PRDX3: variants seen among roughly 807,000 people sequenced by gnomAD.
PRDX3 encodes peroxiredoxin 3, also known as thioredoxin-dependent peroxide reductase, mitochondrial.
In PRDX3, 20 loss-of-function variants were observed where a neutral mutation model predicts 30.4. The ratio of observed to expected loss-of-function variants is 0.66; its 90% confidence interval spans 0.46 to 0.96. PRDX3 has a LOEUF of 0.96. Ranked by LOEUF, PRDX3 falls within the 40% of genes least tolerant of loss-of-function variation. The probability of loss-of-function intolerance (pLI) is 0.00; values close to 1 mark genes in which losing one functional copy is unlikely to be tolerated. For missense variants in PRDX3, 322 were observed against 318.3 expected (o/e 1.01, Z -0.09); for synonymous variants, 124 against 117.8 (o/e 1.05, Z -0.34).
intron 1 of PRDX3, 31 bp from the exon 2 acceptor site, chr10:119,177,184 T>G (rs1487851443): frequency 6.2e-7 from 1 of 1,610,394 alleles, no homozygotes; most frequent in South Asian, 1.1e-5. Context: ...TTAGAAAGTT[T>G]TCCTGGACTG....
At chr10:119,177,273 A>C in intron 1 of PRDX3, 120 bp from the exon 2 acceptor site, 1 of 935,228 alleles carries the variant, frequency 1.1e-6, no homozygotes, top group Non-Finnish European at 1.6e-6. Context: ...AGCAAACCCC[A>C]AACTCTAAGA....
intron 1 of PRDX3, among the ~76,000 whole-genome samples, chr10:119,178,033 A>AC (rs1848080847): frequency 6.9e-6 from 1 of 144,736 alleles, no homozygotes. Flanking sequence ...ATGCCCGGCT[A>AC]TTTTTTTTTT....
intron 1 of PRDX3, among the ~76,000 whole-genome samples, chr10:119,177,407 C>A (rs1040789912): frequency 6.6e-6 from 1 of 152,138 alleles, no homozygotes; most frequent in Non-Finnish European, 1.5e-5. Flanking sequence ...CACCTGTAAT[C>A]CCAGCACTTT....
In PRDX3 at chr10:119,177,001, AGACAT is replaced by A; in HGVS notation, c.169+15_169+19del. 6.2e-7 allele frequency: 1 copy of A among 1,613,870 alleles called. No homozygotes were observed. Among genetic ancestry groups the A allele is most frequent in the South Asian group, 1.1e-5 (1 of 91,066 alleles). On this transcript the variant is annotated intron_variant, in intron 2 of 6. Transcript: ENST00000298510. ...TTTTTCCTTTACCTGGCTCCAGCCA[AGACAT>A]GACATAACACTTACTGGTGCTGAAT...
At chr10:119,171,550 T>C (rs1847907979) in intron 5 of PRDX3, among the ~76,000 whole-genome samples, 1 of 152,182 alleles carries the variant, frequency 6.6e-6, no homozygotes, top group Admixed American at 6.5e-5. Flanking sequence ...TGCTGAGGAC[T>C]GAAAGCTTTT....
chr10:119,177,384 G>A (rs1249748817), intron 1 of PRDX3, among the ~76,000 whole-genome samples: 1 of 152,164 alleles, frequency 6.6e-6, no homozygotes, highest in Non-Finnish European at 1.5e-5. Context: ...GACCGGCTGG[G>A]CGCGGTTGCT....
intron 2 of PRDX3, among the ~76,000 whole-genome samples, chr10:119,176,243 A>C (rs1589665994): frequency 6.6e-6 from 1 of 152,222 alleles, no homozygotes; most frequent in Non-Finnish European, 1.5e-5. Flanking sequence ...ACCGCCATGA[A>C]CAGAAACAGG....
At chr10:119,176,801 GC>G (rs772072426) in intron 2 of PRDX3, among the ~76,000 whole-genome samples, 1 of 152,192 alleles carries the variant, frequency 6.6e-6, no homozygotes, top group African/African-American at 2.4e-5. Flanking sequence ...AGGGCAGTTT[GC>G]CTCAGTGATT....
At chr10:119,178,540 C>T (rs1848099404) in intron 1 of PRDX3, among the ~76,000 whole-genome samples, 2 of 152,192 alleles carry the variant, frequency 1.3e-5, no homozygotes, top group Admixed American at 1.3e-4. Flanking sequence ...AGAGGAGGGA[C>T]TCGGGGAAGA....
intron 1 of PRDX3, 24 bp from the exon 2 acceptor site, chr10:119,177,177 G>C (rs367714764): frequency 4.0e-5 from 64 of 1,610,868 alleles, no homozygotes; most frequent in Non-Finnish European, 5.3e-5. Flanking sequence ...CTTTTTATTA[G>C]AAAGTTTTCC....
rs751052396 is a variant in PRDX3 at position 119,168,510 on chromosome 10, G to C, written c.741C>G (p.Ser247=). 8 of 1,613,890 alleles carry C rather than the reference G, an allele frequency of 5.0e-6. No homozygotes were observed. In the Admixed American group the frequency reaches 1.3e-4, roughly 27 times the overall value. Residue 247 remains serine (S), a synonymous_variant, in exon 7 of 7, where the codon TCC becomes TCG. Coordinates refer to ENST00000298510, the MANE Select transcript of PRDX3 (RefSeq NM_006793.5). ...SPTIKPSPAA[S]KEYFQKVNQ The stretch of plus-strand genomic sequence containing the variant: ...GATTTACCTTCTGAAAGTACTCTTT[G>C]GAAGCAGCTGGACTTGGCTTGATCT...
At position 119,174,456 on chromosome 10, in the gene PRDX3, C is replaced by T. The variant is rs1381008970; in HGVS notation, c.306G>A (p.Leu102=). ...GKYLVLFFYP[L]DFTFVCPTEI... ...ATCATAGAAATTACACTTACAAATC[C>T]AAAGGATAGAAGAAAAGCACCAAAT... The change falls in exon 3 of 7, where the codon TTG becomes TTA. Residue 102 remains leucine (L), a synonymous_variant. Coordinates refer to ENST00000298510, the MANE Select transcript of PRDX3 (RefSeq NM_006793.5). 3.8e-6 allele frequency: 6 copies of T among 1,594,930 alleles called. No homozygotes were observed. The East Asian group carries it at 1.3e-4, about 36-fold the overall frequency.
Position 119,167,843 on chromosome 10 carries a change from A to G in PRDX3, c.*637T>C, listed in dbSNP as rs1847802826. 6.6e-6 allele frequency: 1 copy of G among 152,288 alleles called. No homozygotes were observed. Among genetic ancestry groups the G allele is most frequent in the African/African-American group, 2.4e-5 (1 of 41,478 alleles). 9.4% of individuals were successfully genotyped at this position (152,288 alleles called of 1,614,324 possible). ...CCTTTATAATCGATTACACTAATCA[A>G]TATCTAGAAATATACATAGACAAAG... is the stretch of plus-strand genomic sequence containing the variant. On this transcript the variant is annotated 3_prime_UTR_variant, in exon 7 of 7. Coordinates refer to ENST00000298510, the MANE Select transcript of PRDX3 (RefSeq NM_006793.5).
chr10:119,174,665 C>T, intron 2 of PRDX3, 73 bp from the exon 3 acceptor site: 3 of 1,389,154 alleles, frequency 2.2e-6, no homozygotes, highest in Non-Finnish European at 9.6e-7. Flanking sequence ...ATTTAAACTT[C>T]TCATAATTAA....
chr10:119,169,244 T>C lies in PRDX3; in HGVS notation c.650A>G (p.Lys217Arg). 6.2e-7 allele frequency: 1 copy of C among 1,613,612 alleles called. No homozygotes were observed. Among genetic ancestry groups the C allele is most frequent in the Non-Finnish European group, 8.5e-7 (1 of 1,180,014 alleles). ...RSVEETLRLV[K>R]AFQYVETHGE... The stretch of plus-strand genomic sequence containing the variant: ...ATGTGTTTCTACATACTGGAACGCC[T>C]TCACCAAGCGGAGGGTTTCTTCCAC... Residue 217 changes from lysine (K) to arginine (R), a missense_variant, in exon 6 of 7, where the codon AAG becomes AGG. Physicochemically the swap from Lys to Arg is conservative, Grantham distance 26. Transcript: ENST00000298510.
rs36119116 is a variant in PRDX3 at position 119,169,789 on chromosome 10, G to C, written c.552-447C>G. 907 of 153,414 alleles carry C rather than the reference G, an allele frequency of 5.9e-3. 17 individuals are homozygous for C. Among genetic ancestry groups the C allele is most frequent in the East Asian group, 0.052 (272 of 5,200 alleles). 9.5% of individuals were successfully genotyped at this position (153,414 alleles called of 1,614,324 possible). On this transcript the variant is annotated intron_variant, in intron 5 of 6. Transcript: ENST00000298510. ...TTATGAATGAATTATTGGGTAAATG[G>C]GGGGAAATCCCACGGGAAAAATCTT...
chr10:119,175,646 C>T (rs1374454068), intron 2 of PRDX3, among the ~76,000 whole-genome samples: 3 of 152,128 alleles, frequency 2.0e-5, no homozygotes, highest in African/African-American at 4.8e-5. Context: ...CTGCCAGCCT[C>T]GGCCTCCCAA....
rs745644584 is a variant in PRDX3, at chr10:119,177,021, T to C, written c.169A>G (p.Ser57Gly). Reference protein sequence around the residue: ...GSSQAKLFSTSSSCHAPAVTQ... With the variant: ...GSSQAKLFSTGSSCHAPAVTQ... ...AGCCAAGACATGACATAACACTTAC[T>C]GGTGCTGAATAATTTTGCTTGACTG... is the stretch of plus-strand genomic sequence containing the variant. Residue 57 changes from serine to glycine, a missense_variant and splice_region_variant, in exon 2 of 7, where the codon AGT becomes GGT. By Grantham distance (56) the Ser-to-Gly change is moderately conservative (BLOSUM62 0). Coordinates refer to ENST00000298510, the MANE Select transcript of PRDX3 (RefSeq NM_006793.5). The C allele has an allele frequency of 6.2e-7, 1 of 1,614,104 alleles. No individual in the cohort carries two copies.
At chr10:119,168,927 AGC>A (rs1437076027) in intron 6 of PRDX3, among the ~76,000 whole-genome samples, 3 of 146,768 alleles carry the variant, frequency 2.0e-5, no homozygotes, top group African/African-American at 7.6e-5. Flanking sequence ...GAGCTGAGAG[AGC>A]GCCACTGCAC....
Sources: allele counts gnomAD v4.1 joint callset (sites outside exome capture counted in the v4.1 genomes callset), GRCh38; gene constraint gnomAD v4.1.1; transcripts MANE v1.5; gene names NCBI Gene and HGNC (gene_info 2026-07-23, HGNC 2026-07-21).